The following SPAG16 variants were observed in gnomAD, a reference collection of about 807,000 sequenced individuals.
SPAG16 encodes sperm associated antigen 16.
In SPAG16, 86 loss-of-function variants were observed where a neutral mutation model predicts 80.4. The ratio of observed to expected loss-of-function variants is 1.07; its 90% CI spans 0.90 to 1.28. SPAG16 has a LOEUF of 1.28. Ranked by LOEUF, SPAG16 falls within the 50% of genes most tolerant of loss-of-function variation. The pLI, the probability that SPAG16 is intolerant of heterozygous loss-of-function variation, is 0.00. For synonymous variants in SPAG16, 294 were observed against 265.9 expected (o/e 1.11, Z -1.03); for missense variants, 870 against 765.3 (o/e 1.14, Z -1.61).
At chr2:213,730,094 C>A (rs2066960194) in intron 10 of SPAG16, among the ~76,000 whole-genome samples, 1 of 152,188 alleles carries the variant, frequency 6.6e-6, no homozygotes, top group South Asian at 2.1e-4. Flanking sequence ...TCAGAAATAT[C>A]CAGTGGCCTA....
At chr2:213,370,410 T>C (rs1377128227) in intron 8 of SPAG16, among the ~76,000 whole-genome samples, 2 of 152,196 alleles carry the variant, frequency 1.3e-5, no homozygotes, top group Non-Finnish European at 2.9e-5. Flanking sequence ...CCCTTTTCTT[T>C]ATTGCATATT....
intron 12 of SPAG16, among the ~76,000 whole-genome samples, chr2:213,976,256 A>G (rs2045394761): frequency 6.6e-6 from 1 of 150,798 alleles, no homozygotes; most frequent in Non-Finnish European, 1.5e-5. Flanking sequence ...ATACGTGTAT[A>G]TACACACATA....
intron 11 of SPAG16, among the ~76,000 whole-genome samples, chr2:213,870,852 A>G (rs538738668): frequency 3.9e-5 from 6 of 152,294 alleles, no homozygotes; most frequent in Non-Finnish European, 5.9e-5. Context: ...TAGGAATGCT[A>G]TAAGCTCTTT....
chr2:213,387,429 CTCTTT>C (rs2067486672), intron 9 of SPAG16, among the ~76,000 whole-genome samples: 1 of 71,758 alleles, frequency 1.4e-5, no homozygotes, highest in Admixed American at 2.2e-4. Context: ...GAAATGCATG[CTCTTT>C]TTTTTTTTTT....
chr2:213,512,733 T>A (rs1269297132), intron 10 of SPAG16, among the ~76,000 whole-genome samples: 1 of 152,110 alleles, frequency 6.6e-6, no homozygotes. Flanking sequence ...GTATCCCCCA[T>A]CACATATCAT....
At chr2:213,591,389 A>T (rs1179226619) in intron 10 of SPAG16, among the ~76,000 whole-genome samples, 1 of 152,186 alleles carries the variant, frequency 6.6e-6, no homozygotes, top group East Asian at 1.9e-4. Context: ...GAATTATATA[A>T]TATTTTATCA....
At position 213,413,447 on chromosome 2, in the gene SPAG16, G is replaced by T. The variant is rs561101246; in HGVS notation, c.942+38328G>T. ...GTATATCTACAAATTAATTAAAATT[G>T]TTGAGCATCTCATCATGTGCTAGAC... On this transcript the variant is annotated intron_variant, in intron 9 of 15. Transcript: ENST00000331683. Among the ~76,000 whole-genome samples, 5 of 152,138 alleles carry T rather than the reference G, an allele frequency of 3.3e-5. No homozygotes were observed. The South Asian group carries it at 1.0e-3, about 32-fold the overall frequency.
intron 15 of SPAG16, chr2:214,238,246 T>C: frequency 2.9e-6 from 1 of 342,396 alleles, no homozygotes; most frequent in South Asian, 2.3e-5. Flanking sequence ...TCTGAATACA[T>C]ATGATGAGAT....
At chr2:213,942,817 G>A (rs1337821716) in intron 12 of SPAG16, among the ~76,000 whole-genome samples, 5 of 152,062 alleles carry the variant, frequency 3.3e-5, no homozygotes, top group Admixed American at 2.0e-4. Context: ...AAATAATGGC[G>A]ACTGCTATGA....
At chr2:213,685,504 G>C (rs1165879834) in intron 10 of SPAG16, among the ~76,000 whole-genome samples, 1 of 152,224 alleles carries the variant, frequency 6.6e-6, no homozygotes, top group East Asian at 1.9e-4. Context: ...GCCTCCAGAA[G>C]TGTGGCACAA....
At chr2:213,407,631 GAGAGAGAGACAGAC>G (rs1559100911) in intron 9 of SPAG16, among the ~76,000 whole-genome samples, 2 of 90,922 alleles carry the variant, frequency 2.2e-5, no homozygotes, top group South Asian at 2.7e-4. Context: ...GAGAGAGAGA[GAGAGAGAGACAGAC>G]AGACAGGAGA....
At chr2:214,000,969 T>C (rs1275644173) in intron 12 of SPAG16, among the ~76,000 whole-genome samples, 3 of 152,182 alleles carry the variant, frequency 2.0e-5, no homozygotes, top group Non-Finnish European at 4.4e-5. Flanking sequence ...GAGCTAGAGA[T>C]CTTGCCTTTG....
chr2:213,831,278 T>C (rs1378264312), intron 10 of SPAG16, among the ~76,000 whole-genome samples: 1 of 151,964 alleles, frequency 6.6e-6, no homozygotes, highest in Non-Finnish European at 1.5e-5. Flanking sequence ...GACCTCGTGA[T>C]CCACCCACCT....
chr2:213,504,468 C>T (rs950169227), intron 10 of SPAG16, among the ~76,000 whole-genome samples: 2 of 151,946 alleles, frequency 1.3e-5, no homozygotes, highest in African/African-American at 4.8e-5. Flanking sequence ...AAAAGTTGAA[C>T]TTGAGGGCAA....
chr2:213,734,904 T>C (rs1394975944), intron 10 of SPAG16, among the ~76,000 whole-genome samples: 1 of 152,198 alleles, frequency 6.6e-6, no homozygotes, highest in Admixed American at 6.5e-5. Context: ...TTAATCTCCA[T>C]CGCCTGTTTC....
chr2:214,033,795 C>G (rs1454173543), intron 13 of SPAG16, among the ~76,000 whole-genome samples: 1 of 152,134 alleles, frequency 6.6e-6, no homozygotes, highest in Non-Finnish European at 1.5e-5. Flanking sequence ...AAATACACCT[C>G]CAAATATACC....
intron 15 of SPAG16, among the ~76,000 whole-genome samples, chr2:214,382,585 T>G (rs759673807): frequency 1.3e-5 from 2 of 152,218 alleles, no homozygotes; most frequent in African/African-American, 4.8e-5. Flanking sequence ...GGAGAGATTC[T>G]TAGAGATGGC....
At chr2:213,952,076 G>A (rs943737055) in intron 12 of SPAG16, among the ~76,000 whole-genome samples, 30 of 152,038 alleles carry the variant, frequency 2.0e-4, no homozygotes, top group Admixed American at 1.8e-3. Context: ...TGATCTAAAG[G>A]ATTACCAGTT....
chr2:213,739,052 A>G (rs1420025391), intron 10 of SPAG16, among the ~76,000 whole-genome samples: 1 of 152,250 alleles, frequency 6.6e-6, no homozygotes, highest in Non-Finnish European at 1.5e-5. Flanking sequence ...AGCAAAATCA[A>G]TCATCTTCTG....
Sources: allele counts gnomAD v4.1 joint callset (sites outside exome capture counted in the v4.1 genomes callset), GRCh38; gene constraint gnomAD v4.1.1; transcripts MANE v1.5; gene names NCBI Gene and HGNC (gene_info 2026-07-23, HGNC 2026-07-21).